The following SMG1 variants were observed in gnomAD, a reference collection of about 807,000 sequenced individuals.
SMG1 encodes the protein SMG1 nonsense mediated mRNA decay associated PI3K related kinase, also known as serine/threonine-protein kinase SMG1.
A neutral mutation model predicts 419.9 loss-of-function variants in SMG1; 22 were observed. That is an observed-to-expected ratio of 0.05 (90% CI 0.04 to 0.07). The LOEUF (loss-of-function observed/expected upper bound fraction) is 0.07, where lower values mean the gene tolerates loss of function less well. SMG1 is among the 10% of genes least tolerant of loss of function. The pLI, the probability that SMG1 is intolerant of heterozygous loss-of-function variation, is 1.00. For missense variants in SMG1, 3,185 were observed against 4,342.0 expected, an observed-to-expected ratio of 0.73 and a Z score of 7.49; for synonymous variants, 1,538 against 1,553.5, an observed-to-expected ratio of 0.99 and a Z score of 0.23.
rs2032319621 is a variant in SMG1 at position 18,819,446 on chromosome 16, T to C, written c.9894+56A>G. On this transcript the variant is annotated intron_variant, in intron 56 of 62. Transcript: ENST00000446231. ...AGTTACCCCACATATAACTTCCAGC[T>C]ACTCATCTAATCCTGTAAAAGTGAA... is the stretch of plus-strand genomic sequence containing the variant. 4 of 1,566,948 alleles carry C rather than the reference T, an allele frequency of 2.6e-6. No homozygotes were observed. In the South Asian group the frequency reaches 4.7e-5, roughly 18 times the overall value.
In SMG1 at chr16:18,805,874, G is replaced by C. The variant is rs1386170344; in HGVS notation, c.*3695C>G. The C allele has an allele frequency of 6.6e-6, 1 of 152,500 alleles. No homozygotes were observed. Among genetic ancestry groups the C allele is most frequent in the Non-Finnish European group, 1.5e-5 (1 of 68,024 alleles). The allele number at this position is 152,500 out of a possible 1,614,324, so 9.4% of individuals were successfully genotyped here. On this transcript the variant is annotated 3_prime_UTR_variant, in exon 63 of 63. Transcript: ENST00000446231. ...GATGCTTAAATGTGCGAATAGTAAA[G>C]CATTCACTGATATTTGATGTATCTG... is the stretch of plus-strand genomic sequence containing the variant.
At chr16:18,919,946 C>A (rs892895982) in intron 1 of SMG1, among the ~76,000 whole-genome samples, 18 of 151,302 alleles carry the variant, frequency 1.2e-4, no homozygotes, top group Non-Finnish European at 2.5e-4. Context: ...CAAAAATTAG[C>A]CGGGCCTGGT....
At chr16:18,835,826 G>A in intron 48 of SMG1, 107 bp downstream of exon 48, 2 of 1,056,400 alleles carry the variant, frequency 1.9e-6, no homozygotes, top group Non-Finnish European at 1.4e-6. Flanking sequence ...TTGAACCTCA[G>A]AGACGGAGGT....
chr16:18,903,671 G>A (rs1174274971), intron 1 of SMG1, among the ~76,000 whole-genome samples: 4 of 152,152 alleles, frequency 2.6e-5, no homozygotes, highest in Non-Finnish European at 5.9e-5. Flanking sequence ...ATAACTTGAT[G>A]ACTAAGGTTT....
rs933806327 is a variant in SMG1 at position 18,830,377 on chromosome 16, A to G, written c.8793-8T>C. 4.3e-6 allele frequency: 7 copies of G among 1,613,540 alleles called. No individual in the cohort carries two copies. The highest frequency in any genetic ancestry group is 5.9e-6 in the Non-Finnish European group (7 of 1,179,754). On this transcript the variant is annotated splice_polypyrimidine_tract_variant and splice_region_variant and intron_variant, in intron 51 of 62. Coordinates refer to ENST00000446231, the MANE Select transcript of SMG1 (RefSeq NM_015092.5). ...TACTGAGCATGTAGTAGTCTACAGA[A>G]AAACAAAAGGAGTTAAAACCTTCGC...
At chr16:18,816,645 T>C (rs751836738) in intron 57 of SMG1, 116 bp from the exon 58 acceptor site, 40 of 761,722 alleles carry the variant, frequency 5.3e-5, no homozygotes, top group South Asian at 1.5e-4. Context: ...AGAACCTCCA[T>C]TGCTAAGTCA....
At chr16:18,894,258 A>G (rs1194300612) in intron 3 of SMG1, among the ~76,000 whole-genome samples, 1 of 152,052 alleles carries the variant, frequency 6.6e-6, no homozygotes, top group African/African-American at 2.4e-5. Context: ...ACAAATCTGC[A>G]CTGGTATCCT....
chr16:18,914,232 T>C lies in SMG1; in HGVS notation c.92+11718A>G, dbSNP rs1452237485. Reference sequence around the variant, plus strand: ...AATAATAAACAAAAAAAGTCTATAATAGGTTTTTAAATAACCATAAAGTCC... The same window carrying C: ...AATAATAAACAAAAAAAGTCTATAACAGGTTTTTAAATAACCATAAAGTCC... On this transcript the variant is annotated intron_variant, in intron 1 of 62. Transcript: ENST00000446231. Among the ~76,000 whole-genome samples the C allele has an allele frequency of 2.0e-5, 3 of 151,590 alleles. No homozygotes were observed. The East Asian group carries it at 5.9e-4, about 30-fold the overall frequency.
chr16:18,905,216 G>T (rs753568426), intron 1 of SMG1, among the ~76,000 whole-genome samples: 3 of 152,164 alleles, frequency 2.0e-5, no homozygotes, highest in Non-Finnish European at 4.4e-5. Context: ...AGCTGAGGTC[G>T]CGCCATTGCA....
intron 35 of SMG1, 98 bp downstream of exon 35, chr16:18,849,851 T>C (rs1034000951): frequency 8.5e-7 from 1 of 1,174,676 alleles, no homozygotes; most frequent in Non-Finnish European, 1.2e-6. Flanking sequence ...CTATTCTTTT[T>C]ACACATTCAA....
intron 11 of SMG1, 21 bp downstream of exon 11, chr16:18,879,474 G>A (rs1204480951): frequency 6.6e-6 from 5 of 758,036 alleles, no homozygotes; most frequent in Non-Finnish European, 9.0e-6. Context: ...ACATTAAAAA[G>A]GAAAAGAATA....
intron 1 of SMG1, among the ~76,000 whole-genome samples, chr16:18,919,541 G>C (rs1033106008): frequency 4.6e-5 from 7 of 151,134 alleles, no homozygotes; most frequent in African/African-American, 1.7e-4. Flanking sequence ...GGAGAATGGC[G>C]TGAACCCGGG....
chr16:18,910,482 G>A (rs950361622), intron 1 of SMG1, among the ~76,000 whole-genome samples: 5 of 150,092 alleles, frequency 3.3e-5, no homozygotes, highest in Admixed American at 6.7e-5. Flanking sequence ...TGACAGCCTC[G>A]GACTCCCAAA....
At chr16:18,908,804 C>G (rs2037680341) in intron 1 of SMG1, among the ~76,000 whole-genome samples, 1 of 150,636 alleles carries the variant, frequency 6.6e-6, no homozygotes, top group African/African-American at 2.4e-5. Context: ...GGCGTGAGCG[C>G]GGGAGGTGGA....
At chr16:18,827,143 T>C (rs75780810) in intron 55 of SMG1, among the ~76,000 whole-genome samples, 2 of 152,006 alleles carry the variant, frequency 1.3e-5, no homozygotes, top group South Asian at 2.1e-4. Flanking sequence ...ATAAAAAATA[T>C]AGGCCGGGTG....
intron 28 of SMG1, 180 bp downstream of exon 28, chr16:18,858,842 T>C (rs919908408): frequency 1.2e-5 from 6 of 509,194 alleles, no homozygotes; most frequent in Non-Finnish European, 2.0e-5. Flanking sequence ...TCTCAGGTTC[T>C]TCCATCTGCC....
intron 41 of SMG1, among the ~76,000 whole-genome samples, chr16:18,841,102 A>G (rs1057305546): frequency 7.9e-5 from 12 of 152,122 alleles, no homozygotes; most frequent in Non-Finnish European, 1.5e-4. Context: ...CTTTATTTTT[A>G]TAAAAGGTAC....
chr16:18,812,261 C>T lies in SMG1; in HGVS notation c.10622-134G>A, dbSNP rs144754756. On this transcript the variant is annotated intron_variant, in intron 60 of 62. Transcript: ENST00000446231. ...TCAACTATAAATCCTTATCCTTGGA[C>T]ACAGCAATTGTCTTCCTAAAAATGT... 2.1e-5 allele frequency: 17 copies of T among 808,224 alleles called. No individual in the cohort carries two copies. The African/African-American group carries it at 2.9e-4, about 14-fold the overall frequency. 50.1% of individuals were successfully genotyped at this position (808,224 alleles called of 1,614,324 possible).
chr16:18,871,176 A>T (rs2035798331), intron 16 of SMG1, among the ~76,000 whole-genome samples, 188 bp downstream of exon 16: 1 of 152,198 alleles, frequency 6.6e-6, no homozygotes, highest in Non-Finnish European at 1.5e-5. Context: ...AAAATGTGAC[A>T]ATCACTTCAA....
Sources: allele counts gnomAD v4.1 joint callset (sites outside exome capture counted in the v4.1 genomes callset), GRCh38; gene constraint gnomAD v4.1.1; transcripts MANE v1.5; gene names NCBI Gene and HGNC (gene_info 2026-07-23, HGNC 2026-07-21).